Variants in SCAPER observed in about 807,000 individuals in gnomAD.
The protein encoded by SCAPER is S-phase cyclin A associated protein in the ER, also known as S phase cyclin A-associated protein in the endoplasmic reticulum.
Under a neutral mutation model 182.2 loss-of-function variants are expected in SCAPER, and 98 were observed. The ratio of observed to expected loss-of-function variants is 0.54; its 90% CI spans 0.46 to 0.64. The LOEUF (loss-of-function observed/expected upper bound fraction) is 0.64, where lower values mean the gene tolerates loss of function less well. Among genes scored for constraint, SCAPER ranks in the 30% least tolerant of loss-of-function variants. The pLI, the probability that SCAPER is intolerant of heterozygous loss-of-function variation, is 0.00. For synonymous variants in SCAPER, 605 were observed against 564.6 expected, an observed-to-expected ratio of 1.07 and a Z score of -1.01; for missense variants, 1,432 against 1,690.0, an observed-to-expected ratio of 0.85 and a Z score of 2.68.
intron 22 of SCAPER, among the ~76,000 whole-genome samples, chr15:76,581,192 G>A (rs1231758449): frequency 6.6e-6 from 1 of 152,074 alleles, no homozygotes; most frequent in African/African-American, 2.4e-5. Flanking sequence ...AAAAAGTCCA[G>A]GACCTGATGG....
intron 17 of SCAPER, among the ~76,000 whole-genome samples, chr15:76,718,683 A>G (rs1207640307): frequency 6.6e-6 from 1 of 151,884 alleles, no homozygotes; most frequent in Non-Finnish European, 1.5e-5. Flanking sequence ...AGAAAAATAT[A>G]TATATTTAAA....
At position 76,602,498 on chromosome 15, in the gene SCAPER, T is replaced by C. The variant is rs751456450; in HGVS notation, c.2711+19266A>G. Among the ~76,000 whole-genome samples, 3 of 121,306 alleles carry C rather than the reference T, an allele frequency of 2.5e-5. 1 individual carries two copies. The highest frequency in any genetic ancestry group is 4.0e-5 in the Non-Finnish European group (2 of 50,010). 79.6% of individuals were successfully genotyped at this position (121,306 alleles called of 152,430 possible). ...CATTTCTCTTTGATTTACTGCAATT[T>C]GAATATCATACGCTCACAGGTAGAA... On this transcript the variant is annotated intron_variant, in intron 22 of 31. Coordinates refer to ENST00000563290, the MANE Select transcript of SCAPER (RefSeq NM_020843.4).
chr15:76,367,167 G>A (rs964490106), intron 29 of SCAPER, among the ~76,000 whole-genome samples: 1 of 152,186 alleles, frequency 6.6e-6, no homozygotes, highest in African/African-American at 2.4e-5. Context: ...GGAAACTAAA[G>A]CTCAGAGAAG....
At chr15:76,629,411 T>C (rs2052890900) in intron 21 of SCAPER, among the ~76,000 whole-genome samples, 1 of 152,236 alleles carries the variant, frequency 6.6e-6, no homozygotes, top group Non-Finnish European at 1.5e-5. Context: ...TAAATGGCTC[T>C]TATTATTATT....
intron 22 of SCAPER, among the ~76,000 whole-genome samples, chr15:76,620,067 C>T (rs1300991234): frequency 6.6e-6 from 1 of 152,086 alleles, no homozygotes; most frequent in Non-Finnish European, 1.5e-5. Context: ...CAGAGCGAGA[C>T]TCTGTCTTCA....
intron 31 of SCAPER, 81 bp downstream of exon 31, chr15:76,351,156 G>C: frequency 8.3e-7 from 1 of 1,202,654 alleles, no homozygotes; most frequent in Non-Finnish European, 1.2e-6. Flanking sequence ...TACATATAAT[G>C]TAGCAGTTCC....
chr15:76,440,911 TTTTTTTG>T lies in SCAPER; in HGVS notation c.3079-6608_3079-6602del, dbSNP rs1363956884. The stretch of plus-strand genomic sequence containing the variant: ...TTTAAAATTATTCCCCTTCTGGTTT[TTTTTTTG>T]TTTTTTTTTTTTTTTTTTTTGGGGA... On this transcript the variant is annotated intron_variant, in intron 25 of 31. Coordinates refer to ENST00000563290, the MANE Select transcript of SCAPER (RefSeq NM_020843.4). 3.4e-4 allele frequency among the ~76,000 whole-genome samples: 19 copies of T among 55,786 alleles called. 1 individual carries two copies. Among genetic ancestry groups the T allele is most frequent in the African/African-American group, 4.7e-4 (7 of 14,740 alleles). The allele number at this position is 55,786 out of a possible 152,430, so 36.6% of individuals were successfully genotyped here. A position where few individuals can be genotyped will look rare whatever the true frequency, so the allele number is the denominator to read the frequency against.
At chr15:76,524,152 T>C (rs1436253733) in intron 23 of SCAPER, among the ~76,000 whole-genome samples, 3 of 152,128 alleles carry the variant, frequency 2.0e-5, no homozygotes, top group Admixed American at 2.0e-4. Flanking sequence ...AGTAAAATAC[T>C]GTAAAATGCT....
chr15:76,354,250 GAA>G lies in SCAPER; in HGVS notation c.3856-112_3856-111del. 1.1e-6 allele frequency: 1 copy of G among 916,014 alleles called. No individual in the cohort carries two copies. 56.7% of individuals were successfully genotyped at this position (916,014 alleles called of 1,614,324 possible). ...GGAAAACATGCTGAAGGAGTGTAAA[GAA>G]AAAGACTCCTGACTCCGTACCAGAG... On this transcript the variant is annotated intron_variant, in intron 29 of 31. Transcript: ENST00000563290. This position sits in a 1 kb window ranked among gnomAD's most constrained non-coding sequence, Gnocchi z 4.4.
At chr15:76,397,007 GTTTTTTT>G (rs61586857) in intron 27 of SCAPER, among the ~76,000 whole-genome samples, 2 of 121,150 alleles carry the variant, frequency 1.7e-5, no homozygotes, top group African/African-American at 2.9e-5. Flanking sequence ...TTTTTTGAGA[GTTTTTTT>G]TTTTTTTTTT....
rs193036924 is a variant in SCAPER at position 76,365,781 on chromosome 15, G to A, written c.3855+10381C>T. 2.6e-5 allele frequency among the ~76,000 whole-genome samples: 4 copies of A among 152,302 alleles called. No homozygotes were observed. The East Asian group carries it at 7.7e-4, about 29-fold the overall frequency. Reference sequence around the variant, plus strand: ...GGAGGCCTGGTTCCAGTGACGTGGAGTAAGTCCTTCTCCTCTCTGGAAATG... The same window carrying A: ...GGAGGCCTGGTTCCAGTGACGTGGAATAAGTCCTTCTCCTCTCTGGAAATG... On this transcript the variant is annotated intron_variant, in intron 29 of 31. Transcript: ENST00000563290.
chr15:76,562,148 CAAA>C (rs66722088), intron 23 of SCAPER, among the ~76,000 whole-genome samples: 10 of 74,030 alleles, frequency 1.4e-4, no homozygotes, highest in South Asian at 7.0e-4. Flanking sequence ...AACTTCATCT[CAAA>C]AAAAAAAAAA....
At chr15:76,761,511 T>G (rs2062786545) in intron 14 of SCAPER, among the ~76,000 whole-genome samples, 1 of 152,188 alleles carries the variant, frequency 6.6e-6, no homozygotes, top group Non-Finnish European at 1.5e-5. Flanking sequence ...TTCATTTGCT[T>G]CAAGGCATTA....
chr15:76,533,861 G>A (rs576550302), intron 23 of SCAPER, among the ~76,000 whole-genome samples: 116 of 152,200 alleles, frequency 7.6e-4, no homozygotes, highest in African/African-American at 2.7e-3. Context: ...TATCACCACA[G>A]AAAACACATT....
intron 23 of SCAPER, among the ~76,000 whole-genome samples, chr15:76,529,534 C>A (rs75214996): frequency 6.6e-6 from 1 of 152,122 alleles, no homozygotes; most frequent in East Asian, 1.9e-4. Flanking sequence ...GAGAAGGGGG[C>A]CTCTGGGCTG....
Position 76,549,199 on chromosome 15 carries a change from C to T in SCAPER, c.2838+24959G>A, listed in dbSNP as rs143400567. 8.2e-3 allele frequency among the ~76,000 whole-genome samples: 1,252 copies of T among 152,168 alleles called. 13 individuals carry two copies. The highest frequency in any genetic ancestry group is 0.029 in the African/African-American group (1,188 of 41,512). ...AAAACCATTGTGGAAGTCAGTGTGG[C>T]GATTCCTCAGGGATCTAGAACTGGA... On this transcript the variant is annotated intron_variant, in intron 23 of 31. Transcript: ENST00000563290.
chr15:76,727,678 C>A (rs537562537), intron 17 of SCAPER, among the ~76,000 whole-genome samples: 144 of 151,708 alleles, frequency 9.5e-4, no homozygotes, highest in Middle Eastern at 6.8e-3. Flanking sequence ...ATAAATAAGA[C>A]CAAAAGGCAT....
intron 3 of SCAPER, among the ~76,000 whole-genome samples, chr15:76,860,093 A>T (rs576179584): frequency 6.6e-6 from 1 of 152,312 alleles, no homozygotes; most frequent in South Asian, 2.1e-4. Flanking sequence ...ATGTTCTTGT[A>T]TGAAAAATCG....
chr15:76,612,334 C>T (rs1597684447), intron 22 of SCAPER, among the ~76,000 whole-genome samples: 1 of 152,132 alleles, frequency 6.6e-6, no homozygotes, highest in South Asian at 2.1e-4. Context: ...ACCTCCCAGG[C>T]TCAGGTGATT....
Sources: allele counts gnomAD v4.1 joint callset (sites outside exome capture counted in the v4.1 genomes callset), GRCh38; gene constraint gnomAD v4.1.1; non-coding constraint Gnocchi (gnomAD v3.1); transcripts MANE v1.5; gene names NCBI Gene and HGNC (gene_info 2026-07-23, HGNC 2026-07-21).